Variants in WDFY4 observed in about 807,000 individuals in gnomAD.
The protein encoded by WDFY4 is WD repeat- and FYVE domain-containing protein 4.
WDFY4 carries 169 observed loss-of-function variants against 351.9 expected under a neutral mutation model. The observed-to-expected ratio is 0.48, with a 90% CI of 0.42 to 0.55. WDFY4 has a LOEUF of 0.55. WDFY4 is among the 20% of genes least tolerant of loss of function. The probability of loss-of-function intolerance (pLI) is 0.00; values close to 1 mark genes in which losing one functional copy is unlikely to be tolerated. For synonymous variants in WDFY4, 1,622 were observed against 1,574.6 expected (o/e 1.03, Z -0.71); for missense variants, 3,803 against 3,935.6 (o/e 0.97, Z 0.90).
At chr10:48,962,181 A>G (rs879273511) in intron 53 of WDFY4, among the ~76,000 whole-genome samples, 28 of 152,192 alleles carry the variant, frequency 1.8e-4, no homozygotes, top group Admixed American at 4.6e-4. Flanking sequence ...GCTTCATGCA[A>G]ACATCTCCAG....
chr10:48,769,737 G>T (rs2065797716), intron 13 of WDFY4, among the ~76,000 whole-genome samples: 1 of 152,204 alleles, frequency 6.6e-6, no homozygotes, highest in Admixed American at 6.5e-5. Flanking sequence ...GGGCTTTGGG[G>T]ACCATATTAA....
intron 22 of WDFY4, 78 bp from the exon 23 acceptor site, chr10:48,790,649 C>T (rs1479756483): frequency 2.9e-5 from 43 of 1,475,016 alleles, no homozygotes; most frequent in Non-Finnish European, 3.5e-5. Context: ...GCTCATTGGT[C>T]CTCCTGTGCT....
At chr10:48,732,777 C>T (rs894942707) in intron 9 of WDFY4, among the ~76,000 whole-genome samples, 1 of 152,234 alleles carries the variant, frequency 6.6e-6, no homozygotes, top group African/African-American at 2.4e-5. Context: ...CGCCTTGTCC[C>T]TATAGTTCCA....
intron 2 of WDFY4, among the ~76,000 whole-genome samples, chr10:48,710,782 G>C (rs2063749271): frequency 6.6e-6 from 1 of 152,216 alleles, no homozygotes; most frequent in African/African-American, 2.4e-5. Flanking sequence ...CCCGGTCACA[G>C]CTCCACGAAG....
At chr10:48,776,409 C>T (rs1401611657) in intron 15 of WDFY4, among the ~76,000 whole-genome samples, 2 of 152,184 alleles carry the variant, frequency 1.3e-5, no homozygotes, top group Non-Finnish European at 2.9e-5. Flanking sequence ...AAAGTGTGGG[C>T]TTTGTGAGCA....
intron 19 of WDFY4, among the ~76,000 whole-genome samples, chr10:48,781,197 A>G (rs1300335775): frequency 6.6e-6 from 1 of 152,162 alleles, no homozygotes; most frequent in Non-Finnish European, 1.5e-5. Context: ...TCTGTTATCA[A>G]AAAAAGGCAG....
intron 2 of WDFY4, among the ~76,000 whole-genome samples, chr10:48,719,389 C>T (rs912550282): frequency 2.6e-5 from 4 of 152,146 alleles, no homozygotes; most frequent in South Asian, 2.1e-4. Context: ...GAGAGCACAG[C>T]GATGCTCAGT....
At chr10:48,965,315 A>G (rs947997910) in intron 54 of WDFY4, among the ~76,000 whole-genome samples, 1 of 152,164 alleles carries the variant, frequency 6.6e-6, no homozygotes, top group Non-Finnish European at 1.5e-5. Flanking sequence ...TAAAGTAGCC[A>G]TCAGAATGAG....
Position 48,775,297 on chromosome 10 carries a change from G to A in WDFY4, c.2769-415G>A, listed in dbSNP as rs185406562. 5.1e-3 allele frequency among the ~76,000 whole-genome samples: 769 copies of A among 152,254 alleles called. 4 individuals carry two copies. Among genetic ancestry groups the A allele is most frequent in the African/African-American group, 0.018 (730 of 41,540 alleles). The stretch of plus-strand genomic sequence containing the variant: ...GAGTGCTGAGGGCCATGCACAGAGC[G>A]GGGGGCCCTGCTGCTTATACACAGG... On this transcript the variant is annotated intron_variant, in intron 14 of 61. Transcript: ENST00000325239.
Position 48,786,877 on chromosome 10 carries a change from A to T in WDFY4, c.3808+7A>T. 6.5e-7 allele frequency: 1 copy of T among 1,549,268 alleles called. No individual in the cohort carries two copies. The highest frequency in any genetic ancestry group is 8.7e-7 in the Non-Finnish European group (1 of 1,145,128). Reference sequence around the variant, plus strand: ...CAAGCTGTGCATGTCCAAGGTATGGAGTGTTTTGATTTACAATGTTCTTGC... The same window carrying T: ...CAAGCTGTGCATGTCCAAGGTATGGTGTGTTTTGATTTACAATGTTCTTGC... On this transcript the variant is annotated splice_region_variant and intron_variant, in intron 20 of 61. Coordinates refer to ENST00000325239, the MANE Select transcript of WDFY4 (RefSeq NM_001394531.1).
rs554628478 is a variant in WDFY4 at position 48,908,128 on chromosome 10, G to A, written c.7586+6265G>A. Among the ~76,000 whole-genome samples the A allele has an allele frequency of 3.3e-5, 5 of 152,262 alleles. No individual in the cohort carries two copies. In the South Asian group the frequency reaches 6.2e-4, roughly 19 times the overall value. On this transcript the variant is annotated intron_variant, in intron 47 of 61. Transcript: ENST00000325239. ...CCTCATCTCTGCTGTATCCTTAGCCGTAACCTCAGATCCCTTCCAGGGCAA... is the reference window on the plus strand; with the variant it reads ...CCTCATCTCTGCTGTATCCTTAGCCATAACCTCAGATCCCTTCCAGGGCAA...
At chr10:48,877,789 G>A (rs568113477) in intron 43 of WDFY4, among the ~76,000 whole-genome samples, 2 of 152,294 alleles carry the variant, frequency 1.3e-5, no homozygotes, top group African/African-American at 2.4e-5. Flanking sequence ...GAAACCCGGG[G>A]TCCTGGGTGC....
At chr10:48,761,290 C>A (rs570464520) in intron 13 of WDFY4, among the ~76,000 whole-genome samples, 1 of 152,228 alleles carries the variant, frequency 6.6e-6, no homozygotes, top group African/African-American at 2.4e-5. Context: ...TAAATGATAA[C>A]AAGAAGCCTC....
chr10:48,760,581 T>G, intron 13 of WDFY4, 141 bp downstream of exon 13: 1 of 801,068 alleles, frequency 1.2e-6, no homozygotes, highest in Non-Finnish European at 2.0e-6. Context: ...GAAACACCTA[T>G]AGTGGGAAAG....
chr10:48,828,754 A>G (rs2133047227), intron 36 of WDFY4, 24 bp from the exon 37 acceptor site: 6 of 1,362,746 alleles, frequency 4.4e-6, no homozygotes, highest in East Asian at 2.5e-5. Context: ...ATTGGATTTT[A>G]GTGAAAAATC....
chr10:48,817,246 C>T lies in WDFY4; in HGVS notation c.5342C>T (p.Pro1781Leu). The change falls in exon 32 of 62, where the codon CCC (proline) becomes CTC (leucine). Residue 1781 changes from proline to leucine, a missense_variant and splice_region_variant. Coordinates refer to ENST00000325239, the MANE Select transcript of WDFY4 (RefSeq NM_001394531.1). ...TACCTCTCACCAAGTGTGCCTCAGCCCCTGGCAGGTTCTGAGGATGGTGCC... is the reference window on the plus strand; with the variant it reads ...TACCTCTCACCAAGTGTGCCTCAGCTCCTGGCAGGTTCTGAGGATGGTGCC... ...LEMLKATMSQ[P>L]LAGSEDGAWA... The T allele has an allele frequency of 1.3e-6, 2 of 1,551,650 alleles. No individual in the cohort carries two copies. The highest frequency in any genetic ancestry group is 2.4e-5 in the East Asian group (1 of 40,922).
chr10:48,821,101 T>G lies in WDFY4; in HGVS notation c.5749T>G (p.Phe1917Val). ...DHATSQQKRD[F>V]QSEVLLSAME... The stretch of plus-strand genomic sequence containing the variant: ...CGCCACCAGCCAACAGAAGCGAGAC[T>G]TCCAGTCCGAGGTCCTGCTTTCTGC... Residue 1917 changes from phenylalanine (F) to valine (V), a missense_variant, in exon 34 of 62, where the codon TTC becomes GTC. Physicochemically the swap from Phe to Val is conservative, Grantham distance 50. Around this residue, in one of 3 missense-constraint regions of WDFY4, gnomAD observed 3,054 missense variants for 3,148.6 expected, o/e 0.97. Transcript: ENST00000325239. 1 of 1,551,718 alleles carries G rather than the reference T, an allele frequency of 6.4e-7. No homozygotes were observed.
intron 12 of WDFY4, among the ~76,000 whole-genome samples, chr10:48,753,611 T>C (rs1048502507): frequency 4.6e-5 from 7 of 152,332 alleles, no homozygotes; most frequent in Admixed American, 2.0e-4. Flanking sequence ...TACCATTAGT[T>C]GAAGAGTCCC....
chr10:48,800,977 C>T (rs2067069816), intron 24 of WDFY4, among the ~76,000 whole-genome samples: 1 of 152,088 alleles, frequency 6.6e-6, no homozygotes, highest in Non-Finnish European at 1.5e-5. Flanking sequence ...AGATGGTCCA[C>T]CCACCTCGGC....
Sources: allele counts gnomAD v4.1 joint callset (sites outside exome capture counted in the v4.1 genomes callset), GRCh38; gene constraint gnomAD v4.1.1; regional missense constraint gnomAD v4.1.1; transcripts MANE v1.5; gene names NCBI Gene and HGNC (gene_info 2026-07-23, HGNC 2026-07-21).